The following ARHGEF28 variants were observed in gnomAD, a reference collection of about 807,000 sequenced individuals.
ARHGEF28 encodes the protein Rho guanine nucleotide exchange factor 28.
In ARHGEF28, 152 loss-of-function variants were observed where a neutral mutation model predicts 206.6. The observed-to-expected ratio is 0.74, with a 90% CI of 0.64 to 0.84. ARHGEF28 has a LOEUF of 0.84. ARHGEF28 is among the 40% of genes least tolerant of loss of function. ARHGEF28 has a pLI of 0.00. For synonymous variants in ARHGEF28, 763 were observed against 776.4 expected (o/e 0.98, Z 0.29); for missense variants, 2,028 against 2,073.2 (o/e 0.98, Z 0.42).
At chr5:73,721,621 G>A (rs1056935411) in intron 2 of ARHGEF28, among the ~76,000 whole-genome samples, 1 of 151,984 alleles carries the variant, frequency 6.6e-6, no homozygotes, top group Non-Finnish European at 1.5e-5. Context: ...CCCCCAGGCT[G>A]GAGTGCAGTG....
chr5:73,725,712 G>A (rs531563077), intron 2 of ARHGEF28, among the ~76,000 whole-genome samples: 1 of 152,148 alleles, frequency 6.6e-6, no homozygotes, highest in African/African-American at 2.4e-5. Flanking sequence ...GGGAAAGCTA[G>A]GGATATGCTT....
intron 34 of ARHGEF28, among the ~76,000 whole-genome samples, chr5:73,910,692 C>T (rs1037402712): frequency 2.6e-5 from 4 of 152,158 alleles, no homozygotes; most frequent in African/African-American, 9.7e-5. Flanking sequence ...TTATGCTGAG[C>T]TTCTTCTCTC....
At chr5:73,641,133 G>C (rs1222676199) in intron 1 of ARHGEF28, among the ~76,000 whole-genome samples, 2 of 152,188 alleles carry the variant, frequency 1.3e-5, no homozygotes, top group Non-Finnish European at 1.5e-5. Flanking sequence ...CCATTGTTTA[G>C]CTAGAGGATA....
intron 7 of ARHGEF28, among the ~76,000 whole-genome samples, chr5:73,785,958 T>C (rs1443492142): frequency 2.0e-5 from 3 of 149,608 alleles, no homozygotes; most frequent in African/African-American, 7.4e-5. Flanking sequence ...GCTGGACAGG[T>C]GGACACGTGT....
intron 2 of ARHGEF28, among the ~76,000 whole-genome samples, chr5:73,741,385 GTATATATATATATA>G (rs67973637): frequency 0.013 from 281 of 21,422 alleles, 1 homozygote; most frequent in South Asian, 0.019. Flanking sequence ...GTGTGTGTGT[GTATATATATATATA>G]TATATATATA....
At chr5:73,652,403 T>G (rs1014896802) in intron 1 of ARHGEF28, among the ~76,000 whole-genome samples, 4 of 152,034 alleles carry the variant, frequency 2.6e-5, no homozygotes, top group African/African-American at 9.7e-5. Context: ...GTCTGTGGGA[T>G]TTTGGGCAGG....
chr5:73,904,415 C>T lies in ARHGEF28; in HGVS notation c.4161+10C>T. ...CTTATACAGCCTTCAGGTAACTATC[C>T]TCCTCTAATCTTTGACCTTGTGAAT... is the stretch of plus-strand genomic sequence containing the variant. On this transcript the variant is annotated intron_variant, in intron 33 of 35. Coordinates refer to ENST00000513042, the MANE Select transcript of ARHGEF28 (RefSeq NM_001177693.2). The T allele has an allele frequency of 1.2e-6, 2 of 1,603,776 alleles. No homozygotes were observed. Among genetic ancestry groups the T allele is most frequent in the Non-Finnish European group, 1.7e-6 (2 of 1,173,436 alleles).
At chr5:73,915,800 C>G (rs1401201541) in intron 35 of ARHGEF28, among the ~76,000 whole-genome samples, 1 of 152,106 alleles carries the variant, frequency 6.6e-6, no homozygotes, top group Admixed American at 6.5e-5. Flanking sequence ...CCTAATCTCC[C>G]TTTTCAGTTG....
chr5:73,840,541 A>C lies in ARHGEF28; in HGVS notation c.1208A>C (p.Glu403Ala). 6.2e-7 allele frequency: 1 copy of C among 1,613,962 alleles called. No homozygotes were observed. Among genetic ancestry groups the C allele is most frequent in the Non-Finnish European group, 8.5e-7 (1 of 1,179,850 alleles). Reference protein sequence around the residue: ...IEGITATTSPESRGCTLWPQS... With the variant: ...IEGITATTSPASRGCTLWPQS... ...GGAATCACTGCCACTACCAGCCCTG[A>C]ATCCAGAGGTTGCACTCTGTGGCCT... Residue 403 changes from glutamate (E) to alanine (A), a missense_variant, in exon 11 of 36, where the codon GAA becomes GCA. Glu to Ala is a moderately radical substitution (Grantham distance 107). This residue lies in a region of ARHGEF28 where 1,002 missense variants were observed against 1,015.3 expected (regional missense o/e 0.99). Coordinates refer to ENST00000513042, the MANE Select transcript of ARHGEF28 (RefSeq NM_001177693.2).
At chr5:73,731,490 C>T (rs189900377) in intron 2 of ARHGEF28, among the ~76,000 whole-genome samples, 4 of 152,262 alleles carry the variant, frequency 2.6e-5, no homozygotes, top group African/African-American at 9.6e-5. Flanking sequence ...TACTGTGGCA[C>T]AGTCATCAGG....
At chr5:73,828,141 C>A (rs926898248) in intron 9 of ARHGEF28, 2 of 152,198 alleles carry the variant, frequency 1.3e-5, no homozygotes, top group African/African-American at 4.8e-5. Flanking sequence ...TTAGCCACTT[C>A]AATATACGTA....
intron 7 of ARHGEF28, among the ~76,000 whole-genome samples, chr5:73,792,220 CAT>C (rs1369156313): frequency 3.9e-5 from 6 of 152,052 alleles, no homozygotes; most frequent in South Asian, 2.1e-4. Context: ...TTAATGAAGA[CAT>C]ATATTTTAAT....
intron 3 of ARHGEF28, among the ~76,000 whole-genome samples, chr5:73,752,625 G>A (rs1411784352): frequency 6.6e-6 from 1 of 152,192 alleles, no homozygotes; most frequent in Non-Finnish European, 1.5e-5. Context: ...TTAAAGGAAT[G>A]CTGAATAGCA....
In ARHGEF28 at chr5:73,849,054, G is replaced by T; in HGVS notation, c.1714G>T (p.Val572Leu). Reference sequence around the variant, plus strand: ...AATTTCTTTAGGAAAAACTCGTTTGGTGCGTGAATTAACAGTATGCAGTTC... The same window carrying T: ...AATTTCTTTAGGAAAAACTCGTTTGTTGCGTGAATTAACAGTATGCAGTTC... ...PKISLGKTRL[V>L]RELTVCSSSE... Residue 572 changes from valine (V) to leucine (L), a missense_variant, in exon 13 of 36, where the codon GTG becomes TTG. Val to Leu is a conservative substitution (Grantham distance 32). This residue lies in a region of ARHGEF28 where 1,002 missense variants were observed against 1,015.3 expected (regional missense o/e 0.99). Coordinates refer to ENST00000513042, the MANE Select transcript of ARHGEF28 (RefSeq NM_001177693.2). 6.4e-7 allele frequency: 1 copy of T among 1,573,688 alleles called. No individual in the cohort carries two copies. The highest frequency in any genetic ancestry group is 8.6e-7 in the Non-Finnish European group (1 of 1,157,354).
intron 2 of ARHGEF28, among the ~76,000 whole-genome samples, chr5:73,724,720 G>A (rs931809555): frequency 2.6e-5 from 4 of 152,224 alleles, no homozygotes; most frequent in South Asian, 2.1e-4. Flanking sequence ...TCATCCATTC[G>A]TTTCATGTTT....
In ARHGEF28 at chr5:73,641,585, T is replaced by C. The variant is rs185483455; in HGVS notation, c.-12+15263T>C. On this transcript the variant is annotated intron_variant, in intron 1 of 35. Coordinates refer to ENST00000513042, the MANE Select transcript of ARHGEF28 (RefSeq NM_001177693.2). ...TTGAGAAGGATATGGCTTTTTAATA[T>C]ATTTTTAAAAATTATCGCATCTGGA... 2.6e-5 allele frequency among the ~76,000 whole-genome samples: 4 copies of C among 152,318 alleles called. No homozygotes were observed. The East Asian group carries it at 7.7e-4, about 29-fold the overall frequency.
In ARHGEF28 at chr5:73,840,945, A is replaced by G. The variant is rs189684974; in HGVS notation, c.1427+185A>G. On this transcript the variant is annotated intron_variant, in intron 11 of 35. Transcript: ENST00000513042. ...GACACTTAAGAAAACTGACTAAAAT[A>G]TGATAAAGGAAAACCACGATGAGAT... Among the ~76,000 whole-genome samples, 322 of 152,338 alleles carry G rather than the reference A, an allele frequency of 2.1e-3. 1 individual carries two copies. The highest frequency in any genetic ancestry group is 6.8e-3 in the Middle Eastern group (2 of 294).
chr5:73,818,892 A>G (rs150022099), intron 9 of ARHGEF28, among the ~76,000 whole-genome samples: 185 of 152,326 alleles, frequency 1.2e-3, no homozygotes, highest in African/African-American at 3.9e-3. Flanking sequence ...CCTCTCCATC[A>G]CTTCTAGTTT....
intron 7 of ARHGEF28, among the ~76,000 whole-genome samples, chr5:73,790,492 G>GT (rs1047440578): frequency 3.9e-5 from 6 of 152,208 alleles, no homozygotes; most frequent in Admixed American, 3.9e-4. Context: ...TTCCATCTTG[G>GT]TTTCTTCTCC....
Sources: gnomAD v4.1 joint callset for allele counts (sites outside exome capture counted in the v4.1 genomes callset) on GRCh38, gnomAD v4.1.1 for gene constraint, gnomAD v4.1.1 regional missense constraint, MANE v1.5 for transcripts, NCBI Gene and HGNC (gene_info 2026-07-23, HGNC 2026-07-21) for gene names.